Variants in TRAPPC8 observed in about 807,000 individuals in gnomAD.
TRAPPC8 encodes general sporulation gene 1 homolog.
In TRAPPC8, 54 loss-of-function variants were observed where a neutral mutation model predicts 174.3. The observed-to-expected ratio is 0.31, with a 90% confidence interval of 0.25 to 0.39. The LOEUF is 0.39. TRAPPC8 is among the 10% of genes least tolerant of loss of function. The pLI, the probability that TRAPPC8 is intolerant of heterozygous loss-of-function variation, is 1.00. For missense variants in TRAPPC8, 1,531 were observed against 1,699.1 expected (o/e 0.90, Z 1.74); for synonymous variants, 630 against 579.9 (o/e 1.09, Z -1.24).
rs956489756 is a variant in TRAPPC8, at chr18:31,942,913, G to C, written c.-149C>G. On this transcript the variant is annotated 5_prime_UTR_variant, in exon 1 of 29. Coordinates refer to ENST00000283351, the MANE Select transcript of TRAPPC8 (RefSeq NM_014939.5). ...TGGAGCCTAGAAACAAGAAGGAACA[G>C]ACGCCGCCGCTTCGGTTTCTGGGGC... is the stretch of plus-strand genomic sequence containing the variant. The C allele has an allele frequency of 1.6e-6, 2 of 1,238,748 alleles. No homozygotes were observed. The highest frequency in any genetic ancestry group is 1.0e-6 in the Non-Finnish European group (1 of 991,210). The allele number at this position is 1,238,748 out of a possible 1,614,324, so 76.7% of individuals were successfully genotyped here. A position where few individuals can be genotyped will look rare whatever the true frequency, so the allele number is the denominator to read the frequency against.
At chr18:31,850,110 C>T (rs116992451) in intron 24 of TRAPPC8, among the ~76,000 whole-genome samples, 2,722 of 152,170 alleles carry the variant, frequency 0.018, 30 homozygotes, top group Non-Finnish European at 0.028. Context: ...TGCCACCACT[C>T]CCGCCTAATT....
chr18:31,839,012 T>G (rs2032934836), intron 27 of TRAPPC8, among the ~76,000 whole-genome samples: 1 of 152,190 alleles, frequency 6.6e-6, no homozygotes, highest in Non-Finnish European at 1.5e-5. Flanking sequence ...TTTGCAAAAC[T>G]GGCAAACTTT....
intron 12 of TRAPPC8, among the ~76,000 whole-genome samples, chr18:31,889,378 A>G (rs1022577720): frequency 3.3e-5 from 5 of 152,260 alleles, no homozygotes; most frequent in African/African-American, 1.2e-4. Flanking sequence ...ATTCTCACAA[A>G]TGAAACCATT....
chr18:31,870,612 C>T, intron 15 of TRAPPC8, 110 bp from the exon 16 acceptor site: 2 of 1,220,492 alleles, frequency 1.6e-6, no homozygotes, highest in Non-Finnish European at 2.3e-6. Flanking sequence ...TCTGCCTAGA[C>T]TGTCCTTTAT....
chr18:31,939,571 C>T (rs2038243245), intron 1 of TRAPPC8: 1 of 152,224 alleles, frequency 6.6e-6, no homozygotes, highest in South Asian at 2.1e-4. Context: ...GAATGACTGC[C>T]CTCTTGCTTT....
chr18:31,906,181 A>G (rs927320544), intron 9 of TRAPPC8, among the ~76,000 whole-genome samples: 1 of 151,740 alleles, frequency 6.6e-6, no homozygotes, highest in Admixed American at 6.6e-5. Flanking sequence ...ATACGAAAAA[A>G]AAAAAAAAAA....
intron 2 of TRAPPC8, among the ~76,000 whole-genome samples, chr18:31,924,762 A>T (rs1181664092): frequency 6.9e-6 from 1 of 144,798 alleles, no homozygotes; most frequent in Non-Finnish European, 1.5e-5. Flanking sequence ...AAAAAAAAAA[A>T]ATCCGCCTGA....
At chr18:31,897,048 G>A (rs2036213646) in intron 11 of TRAPPC8, among the ~76,000 whole-genome samples, 1 of 152,160 alleles carries the variant, frequency 6.6e-6, no homozygotes, top group Admixed American at 6.5e-5. Flanking sequence ...AAAACGTAAA[G>A]AGTTAAAAAG....
chr18:31,918,540 T>C (rs1433570422), intron 2 of TRAPPC8, among the ~76,000 whole-genome samples: 2 of 152,250 alleles, frequency 1.3e-5, no homozygotes, highest in East Asian at 3.9e-4. Flanking sequence ...TCAGGAATAA[T>C]GCAAAACATC....
rs759773619 is a variant in TRAPPC8 at position 31,907,565 on chromosome 18, G to A, written c.1284C>T (p.Asp428=). ...APELQIRKMA[D]LCFLVQHYDL... ...CATAATGCTGCACCAAAAAACATAA[G>A]TCAGCCATTTTCCTGATTTGAAGTT... Residue 428 remains aspartate, a synonymous_variant, in exon 9 of 29, where the codon GAC becomes GAT. Transcript: ENST00000283351. 1.8e-5 allele frequency: 29 copies of A among 1,611,094 alleles called. No individual in the cohort carries two copies. The highest frequency in any genetic ancestry group is 2.7e-5 in the African/African-American group (2 of 74,864).
In TRAPPC8 at chr18:31,864,670, C is replaced by T. The variant is rs149155846; in HGVS notation, c.2702G>A (p.Arg901Gln). Reference protein sequence around the residue: ...EKTSVKYGPDRRLDPIITEEM... With the variant: ...EKTSVKYGPDQRLDPIITEEM... ...TTCTGTGATTATGGGATCTAAACGT[C>T]GATCAGGGCCATATTTAACAGATGT... Residue 901 changes from arginine (R) to glutamine (Q), a missense_variant, in exon 19 of 29, where the codon CGA (arginine) becomes CAA (glutamine). Arg to Gln is a conservative substitution (Grantham distance 43, BLOSUM62 1). Transcript: ENST00000283351. 23 of 1,612,552 alleles carry T rather than the reference C, an allele frequency of 1.4e-5. No homozygotes were observed. The highest frequency in any genetic ancestry group is 1.2e-4 in the African/African-American group (9 of 74,798).
chr18:31,880,087 A>AT lies in TRAPPC8; in HGVS notation c.1729-5384_1729-5383insA, dbSNP rs2035348027. ...CAATTTTACTGAAACTATTGAAAAA[A>AT]AAAATATATATATATATATATATAT... is the stretch of plus-strand genomic sequence containing the variant. On this transcript the variant is annotated intron_variant, in intron 12 of 28. Coordinates refer to ENST00000283351, the MANE Select transcript of TRAPPC8 (RefSeq NM_014939.5). Among the ~76,000 whole-genome samples the AT allele has an allele frequency of 9.5e-5, 6 of 63,344 alleles. No homozygotes were observed. In the South Asian group the frequency reaches 2.5e-3, roughly 27 times the overall value. 41.6% of individuals were successfully genotyped at this position (63,344 alleles called of 152,430 possible). A position where few individuals can be genotyped will look rare whatever the true frequency, so the allele number is the denominator to read the frequency against.
chr18:31,868,150 A>C (rs1045894328), intron 16 of TRAPPC8, among the ~76,000 whole-genome samples: 27 of 152,178 alleles, frequency 1.8e-4, no homozygotes, highest in Non-Finnish European at 2.9e-5. Context: ...CAAAGCAATG[A>C]CATTTCTCTG....
At chr18:31,860,015 CA>C (rs34008216) in intron 19 of TRAPPC8, among the ~76,000 whole-genome samples, 116 of 137,930 alleles carry the variant, frequency 8.4e-4, no homozygotes, top group Admixed American at 1.3e-3. Context: ...GACTCCGTCT[CA>C]AAAAAAAAAA....
chr18:31,893,533 A>G (rs2036057318), intron 11 of TRAPPC8, among the ~76,000 whole-genome samples: 2 of 152,188 alleles, frequency 1.3e-5, no homozygotes, highest in South Asian at 2.1e-4. Context: ...AGATATCACA[A>G]TACCATTTTG....
At chr18:31,890,497 T>C (rs1430601505) in intron 12 of TRAPPC8, among the ~76,000 whole-genome samples, 1 of 152,080 alleles carries the variant, frequency 6.6e-6, no homozygotes, top group Admixed American at 6.6e-5. Context: ...TGGATAAAAT[T>C]ACAAATTTTA....
chr18:31,856,185 G>A (rs1463058317), intron 20 of TRAPPC8, among the ~76,000 whole-genome samples: 1 of 151,808 alleles, frequency 6.6e-6, no homozygotes, highest in African/African-American at 2.4e-5. Context: ...GCTCACCACT[G>A]CAACCTCTGC....
chr18:31,873,441 C>A lies in TRAPPC8; in HGVS notation c.2051G>T (p.Arg684Leu), dbSNP rs769784175. The change falls in exon 14 of 29, where the codon CGA becomes CTA. Residue 684 changes from arginine to leucine, a missense_variant. Coordinates refer to ENST00000283351, the MANE Select transcript of TRAPPC8 (RefSeq NM_014939.5). Reference sequence around the variant, plus strand: ...AAAACTTTACTAACCATCCGCTGGTCGTCTGTCATGGCCAAAAAAAACCCG... The same window carrying A: ...AAAACTTTACTAACCATCCGCTGGTAGTCTGTCATGGCCAAAAAAAACCCG... ...ATRVFFGHDR[R>L]PADGEKQAAT... 4 of 1,611,850 alleles carry A rather than the reference C, an allele frequency of 2.5e-6. No homozygotes were observed. The East Asian group carries it at 8.9e-5, about 36-fold the overall frequency.
chr18:31,900,219 G>C (rs2036360020), intron 10 of TRAPPC8, among the ~76,000 whole-genome samples: 1 of 152,106 alleles, frequency 6.6e-6, no homozygotes, highest in Non-Finnish European at 1.5e-5. Context: ...GGACGACAGA[G>C]CAAGACTCCT....
Sources: allele counts gnomAD v4.1 joint callset (sites outside exome capture counted in the v4.1 genomes callset), GRCh38; gene constraint gnomAD v4.1.1; transcripts MANE v1.5; gene names NCBI Gene and HGNC (gene_info 2026-07-23, HGNC 2026-07-21).